NSD1: variants seen among roughly 807,000 people sequenced by gnomAD.
NSD1 encodes the protein nuclear receptor binding SET domain protein 1.
NSD1 carries 26 observed loss-of-function variants against 242.7 expected under a neutral mutation model. The observed-to-expected ratio is 0.11, with a 90% CI of 0.08 to 0.15. NSD1 has a LOEUF of 0.15. NSD1 is among the 10% of genes least tolerant of loss of function. The pLI is 1.00. For missense variants in NSD1, 2,495 were observed against 3,272.8 expected (o/e 0.76, Z 5.80); for synonymous variants, 1,106 against 1,178.1 (o/e 0.94, Z 1.25).
At position 177,195,710 on chromosome 5, in the gene NSD1, C is replaced by G. The variant is rs534025492; in HGVS notation, c.1063+3691C>G. ...TCTGAAACTCCTGGGCTCAAGCGAT[C>G]TGCCCGCCTCGGCCTCCCAAAGTAC... On this transcript the variant is annotated intron_variant, in intron 3 of 22. Coordinates refer to ENST00000439151, the MANE Select transcript of NSD1 (RefSeq NM_022455.5). 8.9e-4 allele frequency among the ~76,000 whole-genome samples: 135 copies of G among 152,302 alleles called. 1 individual carries two copies. The highest frequency in any genetic ancestry group is 1.6e-3 in the Admixed American group (25 of 15,292).
chr5:177,192,110 T>A, intron 3 of NSD1, 91 bp downstream of exon 3: 1 of 1,192,712 alleles, frequency 8.4e-7, no homozygotes. Context: ...TTTTTTTCCT[T>A]GGAACATTTT....
upstream of NSD1, chr5:177,133,483 C>A (rs907600749): frequency 8.6e-5 from 13 of 151,500 alleles, no homozygotes; most frequent in Admixed American, 6.6e-4. This position sits in a 1 kb window ranked among gnomAD's most constrained non-coding sequence, Gnocchi z 6.2. Context: ...CCCTGGGGAG[C>A]CCGCCTCAGG....
At chr5:177,219,403 T>C (rs1445597784) in intron 5 of NSD1, among the ~76,000 whole-genome samples, 4 of 152,048 alleles carry the variant, frequency 2.6e-5, no homozygotes, top group Non-Finnish European at 5.9e-5. Context: ...GCCAGGATGG[T>C]CTCGATTTCC....
intron 9 of NSD1, among the ~76,000 whole-genome samples, chr5:177,245,739 G>A (rs1488923629): frequency 6.6e-6 from 1 of 150,956 alleles, no homozygotes; most frequent in African/African-American, 2.4e-5. Context: ...AGGTTCAAGC[G>A]ATTCTCCTGC....
chr5:177,216,671 T>G (rs34001305), intron 5 of NSD1, among the ~76,000 whole-genome samples: 3 of 117,994 alleles, frequency 2.5e-5, no homozygotes, highest in African/African-American at 3.9e-5. Context: ...GGGATCTCTG[T>G]TTTTTTTTTT....
Position 177,238,240 on chromosome 5 carries a change from A to C in NSD1, c.3925A>C (p.Ser1309Arg). 6.2e-7 allele frequency: 1 copy of C among 1,614,120 alleles called. No homozygotes were observed. Among genetic ancestry groups the C allele is most frequent in the Non-Finnish European group, 8.5e-7 (1 of 1,180,026 alleles). The change falls in exon 7 of 23, where the codon AGT becomes CGT. Residue 1309 changes from serine (S) to arginine (R), a missense_variant. By Grantham distance (110) the Ser-to-Arg change is moderately radical. Transcript: ENST00000439151. The surrounding 1 kb of genome is among the most constrained non-coding windows in gnomAD (Gnocchi z 4.6). ...KKVQEQVHKV[S>R]SRCEEESLLA... The stretch of plus-strand genomic sequence containing the variant: ...TATTTTTATTTTTTGTTCTTAGGTA[A>C]GTTCCCGCTGTGAAGAGGAAAGCCT...
At chr5:177,221,370 T>C (rs1764221728) in intron 5 of NSD1, among the ~76,000 whole-genome samples, 1 of 152,150 alleles carries the variant, frequency 6.6e-6, no homozygotes, top group African/African-American at 2.4e-5. Context: ...ATAGGCATTT[T>C]CCATGTTGTT....
chr5:177,276,462 C>T (rs921327749), intron 17 of NSD1, among the ~76,000 whole-genome samples: 5 of 151,460 alleles, frequency 3.3e-5, no homozygotes, highest in Non-Finnish European at 7.4e-5. Context: ...GTAGCTGGGA[C>T]TACAGGCATT....
intron 14 of NSD1, among the ~76,000 whole-genome samples, chr5:177,262,168 T>C (rs1757046965): frequency 6.6e-6 from 1 of 152,232 alleles, no homozygotes; most frequent in Admixed American, 6.5e-5. Context: ...TTTAATCCTC[T>C]GTAGGGCTGA....
At chr5:177,230,756 G>A (rs1377639181) in intron 5 of NSD1, among the ~76,000 whole-genome samples, 1 of 150,246 alleles carries the variant, frequency 6.7e-6, no homozygotes, top group Non-Finnish European at 1.5e-5. Flanking sequence ...GAACCCATGA[G>A]GTGAAGGTTG....
chr5:177,155,860 A>G (rs1206418828), intron 2 of NSD1, among the ~76,000 whole-genome samples: 1 of 150,864 alleles, frequency 6.6e-6, no homozygotes, highest in Non-Finnish European at 1.5e-5. Context: ...TTTACAAAAT[A>G]CACCCAGGTA....
At chr5:177,257,257 G>A (rs1756557680) in intron 13 of NSD1, 106 bp downstream of exon 13, 2 of 943,390 alleles carry the variant, frequency 2.1e-6, no homozygotes, top group Non-Finnish European at 1.6e-6. Flanking sequence ...TGGAGACAGA[G>A]TCTCGCTGTG....
At chr5:177,196,533 C>T (rs1000396407) in intron 3 of NSD1, among the ~76,000 whole-genome samples, 3 of 152,166 alleles carry the variant, frequency 2.0e-5, no homozygotes, top group East Asian at 3.9e-4. Flanking sequence ...TTTCAGTTCT[C>T]AGGTTTCCAT....
chr5:177,199,444 A>G (rs1277088887), intron 3 of NSD1, among the ~76,000 whole-genome samples: 2 of 151,994 alleles, frequency 1.3e-5, no homozygotes, highest in Non-Finnish European at 2.9e-5. Flanking sequence ...TTTTTTATAG[A>G]CAGGGTCTCC....
rs778841211 is a variant in NSD1 at position 177,295,064 on chromosome 5, A to G, written c.7696A>G (p.Thr2566Ala). ...SGRASAGAEQ[T>A]PGPLSQSPGL... The stretch of plus-strand genomic sequence containing the variant: ...AAGAGCTTCTGCAGGGGCTGAGCAG[A>G]CCCCAGGGCCTCTTAGCCAATCCCC... The change falls in exon 23 of 23, where the codon ACC becomes GCC. Residue 2566 changes from threonine (T) to alanine (A), a missense_variant. Thr to Ala is a moderately conservative substitution (Grantham distance 58, BLOSUM62 0). Around this residue, in one of 19 missense-constraint regions of NSD1, gnomAD observed 475 missense variants for 563.7 expected, o/e 0.84. Transcript: ENST00000439151. This position sits in a 1 kb window ranked among gnomAD's most constrained non-coding sequence, Gnocchi z 4.3. 20 of 1,612,142 alleles carry G rather than the reference A, an allele frequency of 1.2e-5. No individual in the cohort carries two copies. Among genetic ancestry groups the G allele is most frequent in the Non-Finnish European group, 1.4e-5 (17 of 1,179,202 alleles).
intron 2 of NSD1, among the ~76,000 whole-genome samples, chr5:177,181,154 C>CTAATA (rs577398755): frequency 4.8e-4 from 72 of 151,052 alleles, no homozygotes; most frequent in African/African-American, 1.7e-3. Context: ...CTCAGCCTCC[C>CTAATA]TAATAGCTGG....
chr5:177,171,347 C>T (rs1759694966), intron 2 of NSD1, among the ~76,000 whole-genome samples: 1 of 152,018 alleles, frequency 6.6e-6, no homozygotes, highest in Non-Finnish European at 1.5e-5. Flanking sequence ...AGTTACCATC[C>T]TCCTACACCT....
In NSD1 at chr5:177,295,090, G is replaced by A. The variant is rs183751052; in HGVS notation, c.7722G>A (p.Pro2574=). The A allele has an allele frequency of 1.1e-5, 17 of 1,611,532 alleles. No individual in the cohort carries two copies. Among genetic ancestry groups the A allele is most frequent in the East Asian group, 6.7e-5 (3 of 44,832 alleles). Residue 2574 remains proline, a synonymous_variant, in exon 23 of 23, where the codon CCG becomes CCA. Transcript: ENST00000439151. This position sits in a 1 kb window ranked among gnomAD's most constrained non-coding sequence, Gnocchi z 4.3. ...EQTPGPLSQS[P]GLVKQAKQMV... is the part of the protein sequence containing the mutation. ...CCCCAGGGCCTCTTAGCCAATCCCC[G>A]GGCCTGGTGAAGCAGGCGAAGCAGA... is the stretch of plus-strand genomic sequence containing the variant.
At chr5:177,160,091 A>ATG (rs1562134536) in intron 2 of NSD1, among the ~76,000 whole-genome samples, 1 of 149,342 alleles carries the variant, frequency 6.7e-6, no homozygotes, top group Non-Finnish European at 1.5e-5. Context: ...GAGTTTCACC[A>ATG]TGTTGGCCAG....
Sources: gnomAD v4.1 joint callset for allele counts (sites outside exome capture counted in the v4.1 genomes callset) on GRCh38, gnomAD v4.1.1 for gene constraint, gnomAD v4.1.1 regional missense constraint, Gnocchi (gnomAD v3.1) non-coding constraint, MANE v1.5 for transcripts, NCBI Gene and HGNC (gene_info 2026-07-23, HGNC 2026-07-21) for gene names.